The following SYDE2 variants were observed in gnomAD, a reference collection of about 807,000 sequenced individuals.
SYDE2 encodes rho GTPase-activating protein SYDE2.
In SYDE2, 76 loss-of-function variants were observed where a neutral mutation model predicts 91.5. The observed-to-expected ratio is 0.83, with a 90% CI of 0.69 to 1.01. SYDE2 has a LOEUF of 1.01. Among genes scored for constraint, SYDE2 ranks in the 50% least tolerant of loss-of-function variants. SYDE2 has a pLI of 0.00. For synonymous variants in SYDE2, 513 were observed against 506.4 expected, an observed-to-expected ratio of 1.01 and a Z score of -0.18; for missense variants, 1,364 against 1,367.7, an observed-to-expected ratio of 1.00 and a Z score of 0.04.
intron 1 of SYDE2, among the ~76,000 whole-genome samples, chr1:85,191,169 A>G (rs1173335730): frequency 6.6e-6 from 1 of 152,114 alleles, no homozygotes; most frequent in Non-Finnish European, 1.5e-5. Context: ...TATTCCTCCT[A>G]CCCTTTTCAC....
chr1:85,178,102 T>TA (rs780242350), intron 4 of SYDE2, 44 bp downstream of exon 4: 1 of 1,440,634 alleles, frequency 6.9e-7, no homozygotes, highest in South Asian at 1.3e-5. Flanking sequence ...CTTGCAGATG[T>TA]AGTCTTTCCA....
intron 1 of SYDE2, among the ~76,000 whole-genome samples, chr1:85,192,227 G>A (rs1658396754): frequency 6.6e-6 from 1 of 152,040 alleles, no homozygotes; most frequent in Admixed American, 6.6e-5. Flanking sequence ...GGGCAACATG[G>A]CAAGACCCTA....
chr1:85,197,491 T>G (rs777774065), intron 1 of SYDE2, among the ~76,000 whole-genome samples: 1 of 152,184 alleles, frequency 6.6e-6, no homozygotes, highest in Non-Finnish European at 1.5e-5. Flanking sequence ...TTAACATCTT[T>G]ACATAAACAA....
intron 2 of SYDE2, among the ~76,000 whole-genome samples, chr1:85,185,478 A>C (rs896278678): frequency 6.6e-6 from 1 of 150,848 alleles, no homozygotes. Flanking sequence ...CTTTTATTTC[A>C]TTGAGCAGTG....
intron 4 of SYDE2, among the ~76,000 whole-genome samples, chr1:85,176,211 C>G (rs536450696): frequency 2.2e-5 from 3 of 135,926 alleles, no homozygotes; most frequent in African/African-American, 1.0e-4. Context: ...TAAAATGAGT[C>G]TTTTGCTGAT....
chr1:85,166,150 G>T (rs1289790209), intron 5 of SYDE2, among the ~76,000 whole-genome samples: 1 of 151,906 alleles, frequency 6.6e-6, no homozygotes, highest in African/African-American at 2.4e-5. Flanking sequence ...AGACCAGCCT[G>T]GTCAACATGG....
intron 1 of SYDE2, among the ~76,000 whole-genome samples, chr1:85,195,453 T>C (rs1658551317): frequency 6.6e-6 from 1 of 152,186 alleles, no homozygotes; most frequent in African/African-American, 2.4e-5. Context: ...TGTGTATATG[T>C]GTGTGTGTAT....
chr1:85,182,868 A>G lies in SYDE2; in HGVS notation c.1774T>C (p.Tyr592His). ...TAAKRNVISR[Y>H]HLDTSVSSQQ... Reference sequence around the variant, plus strand: ...GAGGATACACTGGTATCAAGATGGTATCGGCTTATAACATTCCTCTTAGCA... The same window carrying G: ...GAGGATACACTGGTATCAAGATGGTGTCGGCTTATAACATTCCTCTTAGCA... Residue 592 changes from tyrosine (Y) to histidine (H), a missense_variant, in exon 3 of 7, where the codon TAC becomes CAC. By Grantham distance (83) the Tyr-to-His change is moderately conservative (BLOSUM62 2). Coordinates refer to ENST00000341460, the MANE Select transcript of SYDE2 (RefSeq NM_032184.2). 6.2e-7 allele frequency: 1 copy of G among 1,613,774 alleles called. No homozygotes were observed. Among genetic ancestry groups the G allele is most frequent in the Non-Finnish European group, 8.5e-7 (1 of 1,179,800 alleles).
intron 4 of SYDE2, among the ~76,000 whole-genome samples, chr1:85,173,070 A>G (rs1657560573): frequency 6.6e-6 from 1 of 152,100 alleles, no homozygotes; most frequent in African/African-American, 2.4e-5. Flanking sequence ...CCAAAAATAA[A>G]ACATGTTGAA....
intron 2 of SYDE2, among the ~76,000 whole-genome samples, chr1:85,188,566 G>A (rs1320010463): frequency 6.6e-6 from 1 of 152,310 alleles, no homozygotes; most frequent in African/African-American, 2.4e-5. Context: ...CAGCGAGGGA[G>A]CTGAGAAAAT....
chr1:85,183,174 T>C lies in SYDE2; in HGVS notation c.1468A>G (p.Ser490Gly). Residue 490 changes from serine to glycine, a missense_variant, in exon 3 of 7, where the codon AGT (serine) becomes GGT (glycine). Transcript: ENST00000341460. ...AGSGILAATN[S>G]TELGIMEPSS... ...GGTTCCATAATTCCCAATTCAGTAC[T>C]ATTTGTAGCAGCCAGGATCCCAGAA... 1.9e-6 allele frequency: 3 copies of C among 1,575,684 alleles called. No individual in the cohort carries two copies. The highest frequency in any genetic ancestry group is 2.6e-6 in the Non-Finnish European group (3 of 1,166,154).
At chr1:85,160,746 A>G in intron 6 of SYDE2, 2 of 985,312 alleles carry the variant, frequency 2.0e-6, no homozygotes, top group Non-Finnish European at 2.4e-6. Flanking sequence ...ATATTCTGCT[A>G]GCCTTGAGGT....
intron 2 of SYDE2, among the ~76,000 whole-genome samples, chr1:85,187,448 G>A (rs1658188760): frequency 6.6e-6 from 1 of 151,888 alleles, no homozygotes; most frequent in Non-Finnish European, 1.5e-5. Flanking sequence ...CATTGTGGAA[G>A]TCAGTGTGGT....
chr1:85,165,409 A>T (rs1657229772), intron 5 of SYDE2, among the ~76,000 whole-genome samples: 1 of 152,230 alleles, frequency 6.6e-6, no homozygotes, highest in African/African-American at 2.4e-5. Flanking sequence ...AAAGGGGATT[A>T]GGGTAAGAAT....
Position 85,200,498 on chromosome 1 carries a change from TCA to T in SYDE2, c.497_498del (p.Val166AspfsTer67). 1 of 1,613,766 alleles carries T rather than the reference TCA, an allele frequency of 6.2e-7. No individual in the cohort carries two copies. The highest frequency in any genetic ancestry group is 8.5e-7 in the Non-Finnish European group (1 of 1,179,884). ...SPFRDPAGSS[V>X]IRSGKGDRQE... ...TGGCGGTCTCCTTTGCCACTGCGTA[TCA>T]CAGAGGACCCCGCTGGATCCCTGAA... On this transcript the variant is annotated frameshift_variant, in exon 1 of 7. Coordinates refer to ENST00000341460, the MANE Select transcript of SYDE2 (RefSeq NM_032184.2). LOFTEE classifies it high-confidence loss of function.
chr1:85,164,331 C>T (rs1441132914), intron 6 of SYDE2, among the ~76,000 whole-genome samples, 195 bp downstream of exon 6: 1 of 152,094 alleles, frequency 6.6e-6, no homozygotes, highest in African/African-American at 2.4e-5. Flanking sequence ...CATTAATCTA[C>T]ATGCCTACAA....
intron 2 of SYDE2, among the ~76,000 whole-genome samples, chr1:85,183,735 C>T (rs956764175): frequency 2.7e-5 from 4 of 148,450 alleles, no homozygotes; most frequent in Non-Finnish European, 5.9e-5. Context: ...TAGTACAATT[C>T]TACTGGCTTA....
chr1:85,195,157 C>CT (rs1658536188), intron 1 of SYDE2, among the ~76,000 whole-genome samples: 4 of 127,654 alleles, frequency 3.1e-5, no homozygotes, highest in African/African-American at 1.6e-4. Context: ...TAGACTCCAT[C>CT]TAAAAAAAAA....
At chr1:85,170,041 T>A (rs1353077647) in intron 4 of SYDE2, among the ~76,000 whole-genome samples, 1 of 151,568 alleles carries the variant, frequency 6.6e-6, no homozygotes, top group Non-Finnish European at 1.5e-5. Flanking sequence ...ATATATACAA[T>A]ATTGATCCAG....
Sources: allele counts gnomAD v4.1 joint callset (sites outside exome capture counted in the v4.1 genomes callset), GRCh38; gene constraint gnomAD v4.1.1; transcripts MANE v1.5; gene names NCBI Gene and HGNC (gene_info 2026-07-23, HGNC 2026-07-21).